Variants in MS4A12 observed in about 807,000 individuals in gnomAD.
MS4A12 encodes the protein membrane-spanning 4-domains subfamily A member 12.
Under a neutral mutation model 23.7 loss-of-function variants are expected in MS4A12, and 28 were observed. The observed-to-expected ratio is 1.18, with a 90% CI of 0.88 to 1.62. The LOEUF (loss-of-function observed/expected upper bound fraction) is 1.62, where lower values mean the gene tolerates loss of function less well. Among genes scored for constraint, MS4A12 ranks in the 40% most tolerant of loss-of-function variants. MS4A12 has a pLI of 0.00. For synonymous variants in MS4A12, 108 were observed against 110.1 expected, an observed-to-expected ratio of 0.98 and a Z score of 0.12; for missense variants, 342 against 327.0, an observed-to-expected ratio of 1.05 and a Z score of -0.35.
chr11:60,506,744 T>C lies in MS4A12; in HGVS notation c.605T>C (p.Ile202Thr). The C allele has an allele frequency of 6.2e-7, 1 of 1,614,098 alleles. No homozygotes were observed. The highest frequency in any genetic ancestry group is 8.5e-7 in the Non-Finnish European group (1 of 1,179,972). The change falls in exon 6 of 7, where the codon ATT becomes ACT. Residue 202 changes from isoleucine to threonine, a missense_variant. Coordinates refer to ENST00000016913, the MANE Select transcript of MS4A12 (RefSeq NM_017716.3). ...TGATTTCAGCTTTCTGGAAAAGGCA[T>C]TTCAGCCACGCTGATGATCTTCTCC... is the stretch of plus-strand genomic sequence containing the variant. ...DYWAVLSGKG[I>T]SATLMIFSLL...
At chr11:60,506,571 C>T (rs995134504) in intron 5 of MS4A12, among the ~76,000 whole-genome samples, 157 bp from the exon 6 acceptor site, 1 of 152,176 alleles carries the variant, frequency 6.6e-6, no homozygotes, top group Non-Finnish European at 1.5e-5. Context: ...AAAATAAATT[C>T]ACACTCCTCT....
In MS4A12 at chr11:60,507,184, T is replaced by C; in HGVS notation, c.*60T>C. ...AGAAAAACTACTTGCAAAAACTTCT[T>C]AAGAAGATGTCTTTTATTGTCTACA... On this transcript the variant is annotated 3_prime_UTR_variant, in exon 7 of 7. Transcript: ENST00000016913. 2 of 1,290,606 alleles carry C rather than the reference T, an allele frequency of 1.5e-6. No homozygotes were observed. The highest frequency in any genetic ancestry group is 1.2e-5 in the South Asian group (1 of 82,360). 79.9% of individuals were successfully genotyped at this position (1,290,606 alleles called of 1,614,324 possible).
At chr11:60,500,912 C>A in intron 2 of MS4A12, 133 bp from the exon 3 acceptor site, 1 of 1,001,862 alleles carries the variant, frequency 1.0e-6, no homozygotes, top group Non-Finnish European at 1.5e-6. Flanking sequence ...CCTCCTGCTT[C>A]AGATGTGTGC....
chr11:60,505,574 A>T (rs556650690), intron 5 of MS4A12, among the ~76,000 whole-genome samples: 5 of 152,168 alleles, frequency 3.3e-5, no homozygotes, highest in Non-Finnish European at 5.9e-5. Context: ...AATCATTCTG[A>T]TGCTACTCAA....
In MS4A12 at chr11:60,502,044, G is replaced by A; in HGVS notation, c.471+5G>A. The A allele has an allele frequency of 6.2e-7, 1 of 1,606,904 alleles. No individual in the cohort carries two copies. Among genetic ancestry groups the A allele is most frequent in the South Asian group, 1.1e-5 (1 of 90,850 alleles). On this transcript the variant is annotated splice_donor_5th_base_variant and intron_variant, in intron 4 of 6. Transcript: ENST00000016913. ...AAGGAGCTTTCCCGTTGTCTGGTAA[G>A]TTAGACTGTCTCTACTTTTTGAACC...
chr11:60,499,344 T>G (rs4939380), intron 2 of MS4A12, among the ~76,000 whole-genome samples: 1 of 151,552 alleles, frequency 6.6e-6, no homozygotes, highest in Non-Finnish European at 1.5e-5. Context: ...GCCAGGGCTG[T>G]AGGAGGAGAA....
intron 4 of MS4A12, 75 bp downstream of exon 4, chr11:60,502,114 C>G: frequency 1.4e-6 from 2 of 1,449,832 alleles, no homozygotes; most frequent in Non-Finnish European, 1.9e-6. Flanking sequence ...AATTGAAAAG[C>G]TGGATTTGGG....
chr11:60,502,092 A>G (rs369307298), intron 4 of MS4A12, 53 bp downstream of exon 4: 83 of 1,501,812 alleles, frequency 5.5e-5, no homozygotes, highest in Non-Finnish European at 7.0e-5. Flanking sequence ...AGCTTAACAT[A>G]TTGGGGAGGA....
rs574629951 is a variant in MS4A12 at position 60,497,504 on chromosome 11, CA to C, written c.187del (p.Ser63ValfsTer10). 4,490 of 1,614,158 alleles carry C rather than the reference CA, an allele frequency of 2.8e-3. 19 individuals are homozygous for C. The highest frequency in any genetic ancestry group is 4.6e-3 in the South Asian group (418 of 91,086). ...TCACATCTCCGGGAATCTTTGCTAG[CA>C]GTCAACCGGGTCAAGGAAATATACA... The part of the protein sequence containing the change: ...GITSPGIFAS[S>X]QPGQGNIQMI... On this transcript the variant is annotated frameshift_variant, in exon 2 of 7. Coordinates refer to ENST00000016913, the MANE Select transcript of MS4A12 (RefSeq NM_017716.3). LOFTEE classifies it high-confidence loss of function.
intron 5 of MS4A12, among the ~76,000 whole-genome samples, chr11:60,504,088 C>G (rs1156693857): frequency 1.3e-5 from 2 of 152,130 alleles, no homozygotes; most frequent in Non-Finnish European, 2.9e-5. Context: ...GCCTCCATGG[C>G]TTCTAAAATT....
At chr11:60,499,492 A>G (rs1350026222) in intron 2 of MS4A12, among the ~76,000 whole-genome samples, 1 of 152,228 alleles carries the variant, frequency 6.6e-6, no homozygotes. Flanking sequence ...AGTCTAATAC[A>G]GGAGTTCTTT....
intron 5 of MS4A12, among the ~76,000 whole-genome samples, chr11:60,504,555 T>A (rs1341610087): frequency 2.0e-5 from 3 of 152,224 alleles, no homozygotes; most frequent in Non-Finnish European, 4.4e-5. Context: ...TGGTTTTGCT[T>A]TTGCTTTTCA....
intron 1 of MS4A12, among the ~76,000 whole-genome samples, chr11:60,496,206 G>T (rs1210604964): frequency 6.6e-6 from 1 of 152,150 alleles, no homozygotes; most frequent in Non-Finnish European, 1.5e-5. Flanking sequence ...GTGATACATT[G>T]TACCAATAGG....
chr11:60,493,048 T>C (rs1456405886), intron 1 of MS4A12: 1 of 151,994 alleles, frequency 6.6e-6, no homozygotes, highest in African/African-American at 2.4e-5. Context: ...TTGGTTGCTG[T>C]ACAAGAGATA....
chr11:60,501,194 G>C lies in MS4A12; in HGVS notation c.414+12G>C. The stretch of plus-strand genomic sequence containing the variant: ...GGGGTGGCCTTTCTGTGAGTAGATT[G>C]CTAGAACACCAGTCCTTCTTGGTTT... On this transcript the variant is annotated intron_variant, in intron 3 of 6. Transcript: ENST00000016913. 7 of 1,597,290 alleles carry C rather than the reference G, an allele frequency of 4.4e-6. No individual in the cohort carries two copies. The highest frequency in any genetic ancestry group is 6.0e-6 in the Non-Finnish European group (7 of 1,174,460).
chr11:60,495,047 C>T (rs1416926310), intron 1 of MS4A12, among the ~76,000 whole-genome samples: 2 of 150,142 alleles, frequency 1.3e-5, no homozygotes, highest in African/African-American at 4.9e-5. Context: ...GGTTGGAGTG[C>T]AGTGGCACGA....
intron 1 of MS4A12, among the ~76,000 whole-genome samples, chr11:60,496,445 A>C (rs747391500): frequency 7.2e-5 from 11 of 152,202 alleles, no homozygotes; most frequent in Non-Finnish European, 1.3e-4. Flanking sequence ...CCTTGCCTAC[A>C]TGGGGCCTGA....
chr11:60,501,190 G>A lies in MS4A12; in HGVS notation c.414+8G>A. Reference sequence around the variant, plus strand: ...TTCTGGGGTGGCCTTTCTGTGAGTAGATTGCTAGAACACCAGTCCTTCTTG... The same window carrying A: ...TTCTGGGGTGGCCTTTCTGTGAGTAAATTGCTAGAACACCAGTCCTTCTTG... On this transcript the variant is annotated splice_region_variant and intron_variant, in intron 3 of 6. Coordinates refer to ENST00000016913, the MANE Select transcript of MS4A12 (RefSeq NM_017716.3). 1 of 1,600,714 alleles carries A rather than the reference G, an allele frequency of 6.2e-7. No individual in the cohort carries two copies. Among genetic ancestry groups the A allele is most frequent in the Non-Finnish European group, 8.5e-7 (1 of 1,175,732 alleles).
rs778786975 is a variant in MS4A12 at position 60,497,488 on chromosome 11, CG to C, written c.173del (p.Gly58GlufsTer15). The C allele has an allele frequency of 1.9e-6, 3 of 1,614,092 alleles. No homozygotes were observed. Among genetic ancestry groups the C allele is most frequent in the Non-Finnish European group, 1.7e-6 (2 of 1,180,016 alleles). On this transcript the variant is annotated frameshift_variant, in exon 2 of 7. Transcript: ENST00000016913. LOFTEE classifies it high-confidence loss of function. ...GCTCAGCCCTACGGCATCACATCTC[CG>C]GGAATCTTTGCTAGCAGTCAACCGG... is the stretch of plus-strand genomic sequence containing the variant. ...QRAQPYGITS[P>X]GIFASSQPGQ...
Sources: allele counts gnomAD v4.1 joint callset (sites outside exome capture counted in the v4.1 genomes callset), GRCh38; gene constraint gnomAD v4.1.1; transcripts MANE v1.5; gene names NCBI Gene and HGNC (gene_info 2026-07-23, HGNC 2026-07-21).